Variants in MDN1 observed in about 807,000 individuals in gnomAD.
MDN1 encodes midasin.
In MDN1, 266 loss-of-function variants were observed where a neutral mutation model predicts 669.2. The ratio of observed to expected loss-of-function variants is 0.40; its 90% CI spans 0.36 to 0.44. The LOEUF (loss-of-function observed/expected upper bound fraction) is 0.44, where lower values mean the gene tolerates loss of function less well. MDN1 is among the 20% of genes least tolerant of loss of function. MDN1 has a pLI of 1.00. For synonymous variants in MDN1, 2,385 were observed against 2,457.1 expected (o/e 0.97, Z 0.87); for missense variants, 5,940 against 6,754.0 (o/e 0.88, Z 4.22).
At chr6:89,792,104 G>A (rs1466041490) in intron 5 of MDN1, among the ~76,000 whole-genome samples, 1 of 151,852 alleles carries the variant, frequency 6.6e-6, no homozygotes, top group Non-Finnish European at 1.5e-5. Flanking sequence ...TCCTGACCTC[G>A]TGATCTGCCC....
chr6:89,670,160 A>AT (rs1810589270), intron 83 of MDN1, among the ~76,000 whole-genome samples: 4 of 43,054 alleles, frequency 9.3e-5, no homozygotes, highest in African/African-American at 1.6e-4. Flanking sequence ...ATATATATAT[A>AT]TATATATATA....
chr6:89,779,185 C>T (rs1314418888), intron 11 of MDN1, among the ~76,000 whole-genome samples: 1 of 152,160 alleles, frequency 6.6e-6, no homozygotes, highest in African/African-American at 2.4e-5. Context: ...ATATACCCTA[C>T]TCATTTGAAA....
At chr6:89,795,713 G>A (rs1489621883) in intron 2 of MDN1, among the ~76,000 whole-genome samples, 3 of 152,196 alleles carry the variant, frequency 2.0e-5, no homozygotes, top group African/African-American at 7.2e-5. Flanking sequence ...CAGCACTTTC[G>A]GAGGCTGAGG....
chr6:89,745,541 T>C lies in MDN1; in HGVS notation c.3990A>G (p.Lys1330=). 3 of 1,614,164 alleles carry C rather than the reference T, an allele frequency of 1.9e-6. No homozygotes were observed. The highest frequency in any genetic ancestry group is 2.5e-6 in the Non-Finnish European group (3 of 1,180,020). Reference sequence around the variant, plus strand: ...TGGAGAAAAGAGATTGAGGACACAATTTTTTCTTGAAATGTTTCTCAAGGA... The same window carrying C: ...TGGAGAAAAGAGATTGAGGACACAACTTTTTCTTGAAATGTTTCTCAAGGA... ...QEVLEKHFKK[K]LCPQSLFSKE... Residue 1330 remains lysine, a synonymous_variant, in exon 28 of 102, where the codon AAA becomes AAG. Coordinates refer to ENST00000369393, the MANE Select transcript of MDN1 (RefSeq NM_014611.3).
Position 89,644,168 on chromosome 6 carries a change from G to C in MDN1, c.16628C>G (p.Pro5543Arg), listed in dbSNP as rs1027570530. 1 of 1,612,116 alleles carries C rather than the reference G, an allele frequency of 6.2e-7. No homozygotes were observed. The highest frequency in any genetic ancestry group is 8.5e-7 in the Non-Finnish European group (1 of 1,179,332). The change falls in exon 102 of 102, where the codon CCG becomes CGG. Residue 5543 changes from proline to arginine, a missense_variant. Coordinates refer to ENST00000369393, the MANE Select transcript of MDN1 (RefSeq NM_014611.3). Reference protein sequence around the residue: ...SRDSILDIKVPIFKGPGEMPE... With the variant: ...SRDSILDIKVRIFKGPGEMPE... ...CATCTCTCCAGGTCCTTTAAATATC[G>C]GTACTTTAATGTCCAAGATAGAATC...
chr6:89,721,274 T>C (rs2128313529), intron 40 of MDN1, among the ~76,000 whole-genome samples: 1 of 152,284 alleles, frequency 6.6e-6, no homozygotes, highest in South Asian at 2.1e-4. Flanking sequence ...AGCTACTGAA[T>C]TGTTTCTTCC....
At chr6:89,740,427 G>A in intron 31 of MDN1, 49 bp from the exon 32 acceptor site, 1 of 1,493,098 alleles carries the variant, frequency 6.7e-7, no homozygotes, top group South Asian at 1.3e-5. Flanking sequence ...CAATCTTTCT[G>A]TTTTACAATC....
At chr6:89,771,438 GAA>G (rs1818071505) in intron 15 of MDN1, 121 bp downstream of exon 15, 2 of 825,844 alleles carry the variant, frequency 2.4e-6, no homozygotes, top group African/African-American at 3.5e-5. Context: ...CCTTATCTGA[GAA>G]AACTCTTTTT....
intron 20 of MDN1, among the ~76,000 whole-genome samples, chr6:89,754,921 CAAATATTTTCA>C (rs980054316): frequency 7.9e-5 from 12 of 152,228 alleles, no homozygotes; most frequent in East Asian, 1.9e-4. Flanking sequence ...CAAAAATACA[CAAATATTTTCA>C]AAATATTTTC....
chr6:89,677,513 T>G (rs917981247), intron 76 of MDN1, 57 bp downstream of exon 76: 49 of 1,603,578 alleles, frequency 3.1e-5, no homozygotes, highest in Non-Finnish European at 2.4e-5. Flanking sequence ...GACAAGGAGT[T>G]CTAAATTACT....
rs766507360 is a variant in MDN1, at chr6:89,695,773, C to T, written c.9603G>A (p.Leu3201=). The T allele has an allele frequency of 6.2e-7, 1 of 1,613,682 alleles. No homozygotes were observed. The highest frequency in any genetic ancestry group is 2.2e-5 in the East Asian group (1 of 44,858). ...KELLCQLLTS[L]HHFVGEGESK... ...TCTCCCCTTCACCAACAAAGTGGTG[C>T]AGGGAGGTGAGCAACTGGCAGAGCA... The change falls in exon 61 of 102, where the codon CTG becomes CTA. Residue 3201 remains leucine, a synonymous_variant. Coordinates refer to ENST00000369393, the MANE Select transcript of MDN1 (RefSeq NM_014611.3). This position sits in a 1 kb window ranked among gnomAD's most constrained non-coding sequence, Gnocchi z 4.1.
chr6:89,676,486 A>T (rs566997476), intron 76 of MDN1, among the ~76,000 whole-genome samples: 1 of 152,296 alleles, frequency 6.6e-6, no homozygotes, highest in Admixed American at 6.5e-5. Flanking sequence ...TCTGATGCCT[A>T]CAGGGGCCAG....
chr6:89,800,688 A>C (rs144224993), intron 2 of MDN1, among the ~76,000 whole-genome samples: 1 of 152,288 alleles, frequency 6.6e-6, no homozygotes, highest in East Asian at 1.9e-4. Flanking sequence ...AAACCTGAAG[A>C]GGTGAGTCAA....
chr6:89,749,796 A>C, intron 24 of MDN1, 45 bp from the exon 25 acceptor site: 1 of 1,421,402 alleles, frequency 7.0e-7, no homozygotes, highest in Non-Finnish European at 9.9e-7. Context: ...AATCAGTACA[A>C]AGTTTTAAAA....
At chr6:89,806,234 G>A (rs751282062) in intron 1 of MDN1, among the ~76,000 whole-genome samples, 1 of 151,884 alleles carries the variant, frequency 6.6e-6, no homozygotes, top group Non-Finnish European at 1.5e-5. Flanking sequence ...CACTGTGCCC[G>A]GCCCCATTTT....
rs1280112353 is a variant in MDN1 at position 89,656,674 on chromosome 6, A to G, written c.15285+26T>C. On this transcript the variant is annotated intron_variant, in intron 91 of 101. Coordinates refer to ENST00000369393, the MANE Select transcript of MDN1 (RefSeq NM_014611.3). The stretch of plus-strand genomic sequence containing the variant: ...CTTTTTCTACATGCTGCCTTCACCT[A>G]AGTTTAGCTGAGGAGTGATAGAAAC... 6 of 1,531,238 alleles carry G rather than the reference A, an allele frequency of 3.9e-6. No homozygotes were observed. In the East Asian group the frequency reaches 1.2e-4, roughly 29 times the overall value. 94.9% of individuals were successfully genotyped at this position (1,531,238 alleles called of 1,614,324 possible).
intron 100 of MDN1, 83 bp from the exon 101 acceptor site, chr6:89,645,240 T>A: frequency 7.0e-7 from 1 of 1,428,928 alleles, no homozygotes; most frequent in Non-Finnish European, 9.6e-7. Flanking sequence ...TAGGACAAAT[T>A]AGTGTAGGCT....
At chr6:89,661,942 G>T (rs1809798080) in intron 87 of MDN1, 145 bp downstream of exon 87, 1 of 936,050 alleles carries the variant, frequency 1.1e-6, no homozygotes. Context: ...CCTGTTAAGA[G>T]CCTCTGTTGC....
chr6:89,674,935 C>T (rs1811080747), intron 78 of MDN1, among the ~76,000 whole-genome samples: 1 of 152,196 alleles, frequency 6.6e-6, no homozygotes, highest in Non-Finnish European at 1.5e-5. Flanking sequence ...GTCCTTCAGC[C>T]ACGAATCCAT....
Sources: gnomAD v4.1 joint callset for allele counts (sites outside exome capture counted in the v4.1 genomes callset) on GRCh38, gnomAD v4.1.1 for gene constraint, Gnocchi (gnomAD v3.1) non-coding constraint, MANE v1.5 for transcripts, NCBI Gene and HGNC (gene_info 2026-07-23, HGNC 2026-07-21) for gene names.